ZNF735: variants seen among roughly 807,000 people sequenced by gnomAD.
The protein encoded by ZNF735 is putative zinc finger protein 735.
In ZNF735, 11 loss-of-function variants were observed where a neutral mutation model predicts 13.4. The ratio of observed to expected loss-of-function variants is 0.82; its 90% CI spans 0.52 to 1.36. ZNF735 has a LOEUF of 1.36. Among genes scored for constraint, ZNF735 ranks in the 40% most tolerant of loss-of-function variants. The pLI is 0.00. For synonymous variants in ZNF735, 171 were observed against 162.6 expected, an observed-to-expected ratio of 1.05 and a Z score of -0.39; for missense variants, 500 against 484.6, an observed-to-expected ratio of 1.03 and a Z score of -0.30.
rs532986953 is a variant in ZNF735 at position 64,220,065 on chromosome 7, G to T, written c.1014G>T (p.Ser338=). Reference sequence around the variant, plus strand: ...GTGGCAAAGCCTTTAACTGCTCCTCGACTCTTAAGACACATAAGATAATTC... The same window carrying T: ...GTGGCAAAGCCTTTAACTGCTCCTCTACTCTTAAGACACATAAGATAATTC... Residue 338 remains serine (S), a synonymous_variant, in exon 4 of 4, where the codon TCG becomes TCT. Coordinates refer to ENST00000429565, the Ensembl canonical transcript of ZNF735. 3.7e-6 allele frequency: 6 copies of T among 1,610,094 alleles called. No individual in the cohort carries two copies. In the African/African-American group the frequency reaches 8.1e-5, roughly 22 times the overall value.
intron 3 of ZNF735, among the ~76,000 whole-genome samples, chr7:64,217,080 C>T (rs1479651865): frequency 6.6e-6 from 1 of 152,096 alleles, no homozygotes; most frequent in Non-Finnish European, 1.5e-5. Context: ...ATGTAATCTC[C>T]ACTGTTGGAT....
Position 64,214,128 on chromosome 7 carries a change from G to A in ZNF735, c.262+20G>A, listed in dbSNP as rs1787392444. ...ACCCAGGTAGGTGAGAGCAAATGAA[G>A]CAGATGACACGGATGAGATGTCCAC... On this transcript the variant is annotated intron_variant, in intron 3 of 3. Coordinates refer to ENST00000429565, the Ensembl canonical transcript of ZNF735. 3.1e-6 allele frequency: 5 copies of A among 1,597,184 alleles called. No homozygotes were observed. Among genetic ancestry groups the A allele is most frequent in the Non-Finnish European group, 4.2e-6 (5 of 1,177,852 alleles).
rs181008027 is a variant in ZNF735, at chr7:64,216,231, G to A, written c.262+2123G>A. Among the ~76,000 whole-genome samples, 420 of 151,776 alleles carry A rather than the reference G, an allele frequency of 2.8e-3. 1 individual carries two copies. The highest frequency in any genetic ancestry group is 8.8e-3 in the African/African-American group (366 of 41,404). Reference sequence around the variant, plus strand: ...GAATGGCATGAACCCAGGAGGTGGCGCTTGCAGTGAGCCAAGATCGCACCA... The same window carrying A: ...GAATGGCATGAACCCAGGAGGTGGCACTTGCAGTGAGCCAAGATCGCACCA... On this transcript the variant is annotated intron_variant, in intron 3 of 3. Coordinates refer to ENST00000429565, the Ensembl canonical transcript of ZNF735.
chr7:64,207,682 A>G (rs1159436125), intron 1 of ZNF735, among the ~76,000 whole-genome samples: 1 of 152,174 alleles, frequency 6.6e-6, no homozygotes, highest in Non-Finnish European at 1.5e-5. Context: ...ATTTAATCAA[A>G]ACGTGATTCA....
intron 1 of ZNF735, among the ~76,000 whole-genome samples, chr7:64,210,249 T>A (rs1387163242): frequency 6.6e-6 from 1 of 152,228 alleles, no homozygotes; most frequent in Non-Finnish European, 1.5e-5. Flanking sequence ...CAGATATTGC[T>A]GCCTTCTGTT....
At chr7:64,211,603 C>T (rs1787360767) in intron 1 of ZNF735, among the ~76,000 whole-genome samples, 1 of 151,950 alleles carries the variant, frequency 6.6e-6, no homozygotes, top group South Asian at 2.1e-4. Context: ...GTGGCTCAGG[C>T]TTGTAATCTC....
intron 1 of ZNF735, among the ~76,000 whole-genome samples, chr7:64,212,128 C>T (rs1212763426): frequency 6.6e-6 from 1 of 152,074 alleles, no homozygotes; most frequent in Non-Finnish European, 1.5e-5. Context: ...GATTTACTAG[C>T]CGAAGTGCAT....
exon 4 of ZNF735, chr7:64,219,768 A>C: frequency 6.2e-7 from 1 of 1,610,828 alleles, no homozygotes. Flanking sequence ...CTGGAGAGAA[A>C]CCCTACAGAT....
intron 1 of ZNF735, among the ~76,000 whole-genome samples, chr7:64,212,062 AT>A (rs931866981): frequency 1.3e-4 from 20 of 151,998 alleles, no homozygotes; most frequent in African/African-American, 4.1e-4. Context: ...TCTCTATGAC[AT>A]TTTTTCCACG....
chr7:64,213,969 T>C, intron 2 of ZNF735, 44 bp from the exon 3 acceptor site: 1 of 1,495,190 alleles, frequency 6.7e-7, no homozygotes, highest in Non-Finnish European at 8.9e-7. Flanking sequence ...AAAAAATAAA[T>C]AAATAAATAA....
exon 4 of ZNF735, chr7:64,219,853 C>T: frequency 6.2e-7 from 1 of 1,613,806 alleles, no homozygotes; most frequent in Non-Finnish European, 8.5e-7. Context: ...TGGAGAGAAA[C>T]CCTACGCATG....
chr7:64,208,602 T>C (rs760678746), intron 1 of ZNF735, among the ~76,000 whole-genome samples: 2 of 151,834 alleles, frequency 1.3e-5, no homozygotes, highest in African/African-American at 2.4e-5. Context: ...GGAGTACATG[T>C]GCAAGTTTGT....
In ZNF735 at chr7:64,207,251, G is replaced by A. The variant is rs542830673; in HGVS notation, c.39+10G>A. 2.0e-5 allele frequency: 33 copies of A among 1,614,066 alleles called. No homozygotes were observed. The highest frequency in any genetic ancestry group is 3.3e-4 in the Middle Eastern group (2 of 6,076). Reference sequence around the variant, plus strand: ...TGGAAGCCGAGAAATGGTGAGTGCTGGGTCTGTCATCGTGAGAGAGGGGTG... The same window carrying A: ...TGGAAGCCGAGAAATGGTGAGTGCTAGGTCTGTCATCGTGAGAGAGGGGTG... On this transcript the variant is annotated intron_variant, in intron 1 of 3. Coordinates refer to ENST00000429565, the Ensembl canonical transcript of ZNF735.
Position 64,215,716 on chromosome 7 carries a change from T to C in ZNF735, c.262+1608T>C, listed in dbSNP as rs116709561. Among the ~76,000 whole-genome samples the C allele has an allele frequency of 6.7e-3, 1,021 of 152,212 alleles. 13 individuals are homozygous for C. The highest frequency in any genetic ancestry group is 0.023 in the African/African-American group (947 of 41,540). ...TTTTGTATATGGTGCAATTAAAGCA[T>C]CCAACTTCATTTTTTCAATGTAGAT... On this transcript the variant is annotated intron_variant, in intron 3 of 3. Coordinates refer to ENST00000429565, the Ensembl canonical transcript of ZNF735.
chr7:64,210,330 G>C (rs1270147425), intron 1 of ZNF735, among the ~76,000 whole-genome samples: 1 of 152,150 alleles, frequency 6.6e-6, no homozygotes, highest in African/African-American at 2.4e-5. Flanking sequence ...GTCTTTATTT[G>C]TACCAGATGT....
chr7:64,209,977 G>T (rs183677509), intron 1 of ZNF735, among the ~76,000 whole-genome samples: 1 of 151,794 alleles, frequency 6.6e-6, no homozygotes, highest in Non-Finnish European at 1.5e-5. Flanking sequence ...TATGTTTTTT[G>T]TATTGAATTA....
At chr7:64,216,607 A>ATT (rs34572712) in intron 3 of ZNF735, among the ~76,000 whole-genome samples, 22 of 145,606 alleles carry the variant, frequency 1.5e-4, no homozygotes, top group Middle Eastern at 3.6e-3. Flanking sequence ...CTCTTCTTAA[A>ATT]TTTTTTTTTT....
intron 1 of ZNF735, among the ~76,000 whole-genome samples, chr7:64,209,947 T>G (rs1172981568): frequency 6.6e-6 from 1 of 152,198 alleles, no homozygotes; most frequent in African/African-American, 2.4e-5. Flanking sequence ...ATTCAATTTT[T>G]ATGTAATTTC....
chr7:64,214,805 A>AT (rs1787400740), intron 3 of ZNF735, among the ~76,000 whole-genome samples: 1 of 151,822 alleles, frequency 6.6e-6, no homozygotes, highest in South Asian at 2.1e-4. Context: ...CATTCATGAT[A>AT]TTTTTTATGA....
Sources: allele counts gnomAD v4.1 joint callset (sites outside exome capture counted in the v4.1 genomes callset), GRCh38; gene constraint gnomAD v4.1.1; transcripts MANE v1.5; gene names NCBI Gene and HGNC (gene_info 2026-07-23, HGNC 2026-07-21).